ANKFY1: variants seen among roughly 807,000 people sequenced by gnomAD.
ANKFY1 encodes ankyrin repeat and FYVE domain-containing protein 1.
A neutral mutation model predicts 128.3 loss-of-function variants in ANKFY1; 47 were observed. The ratio of observed to expected loss-of-function variants is 0.37; its 90% CI spans 0.29 to 0.47. The LOEUF (loss-of-function observed/expected upper bound fraction) is 0.47. Among genes scored for constraint, ANKFY1 ranks in the 20% least tolerant of loss-of-function variants. ANKFY1 has a pLI of 1.00. For missense variants in ANKFY1, 1,222 were observed against 1,510.6 expected, an observed-to-expected ratio of 0.81 and a Z score of 3.17; for synonymous variants, 553 against 601.6, an observed-to-expected ratio of 0.92 and a Z score of 1.18.
intron 17 of ANKFY1, chr17:4,179,499 G>A: frequency 1.7e-6 from 1 of 600,400 alleles, no homozygotes; most frequent in Non-Finnish European, 2.9e-6. Flanking sequence ...GGGAATAGGA[G>A]GCAAAGAGAA....
rs200277437 is a variant in ANKFY1, at chr17:4,177,143, T to C, written c.2758A>G (p.Ile920Val). ...TCACTTACCAAATTGCGGACAATAA[T>C]TTCTGAGCCTGCTTGGACAGCGAGG... is the stretch of plus-strand genomic sequence containing the variant. The part of the protein sequence containing the change: ...LHLAVQAGSE[I>V]IVRNLLLAGA... The change falls in exon 19 of 25, where the codon ATT (isoleucine) becomes GTT (valine). Residue 920 changes from isoleucine (I) to valine (V), a missense_variant. Physicochemically the swap from Ile to Val is conservative, Grantham distance 29. Coordinates refer to ENST00000341657, the MANE Select transcript of ANKFY1 (RefSeq NM_001330063.2). 6.3e-7 allele frequency: 1 copy of C among 1,587,436 alleles called. No individual in the cohort carries two copies.
rs1229576898 is a variant in ANKFY1 at position 4,169,223 on chromosome 17, C to T, written c.3352G>A (p.Gly1118Arg). The change falls in exon 24 of 25, where the codon GGA (glycine) becomes AGA (arginine). Residue 1118 changes from glycine (G) to arginine (R), a missense_variant. Gly to Arg is a moderately radical substitution (Grantham distance 125, BLOSUM62 -2). Coordinates refer to ENST00000341657, the MANE Select transcript of ANKFY1 (RefSeq NM_001330063.2). The surrounding 1 kb of genome is among the most constrained non-coding windows in gnomAD (Gnocchi z 5.0). The part of the protein sequence containing the change: ...SYCYECTARF[G>R]VTTRKHHCRH... ...CAGTGGTGTTTGCGAGTGGTGACTC[C>T]GAACCTGGCAGTGCACTCATAGCAG... is the stretch of plus-strand genomic sequence containing the variant. 3.9e-6 allele frequency: 6 copies of T among 1,552,642 alleles called. No homozygotes were observed. The highest frequency in any genetic ancestry group is 3.5e-6 in the Non-Finnish European group (4 of 1,147,702).
At chr17:4,218,749 G>T (rs1468290795) in intron 3 of ANKFY1, among the ~76,000 whole-genome samples, 1 of 152,178 alleles carries the variant, frequency 6.6e-6, no homozygotes, top group East Asian at 1.9e-4. Flanking sequence ...GTGGCGGCAT[G>T]TGTCTGTAGT....
At chr17:4,194,630 T>C (rs908386274) in intron 10 of ANKFY1, 27 of 282,892 alleles carry the variant, frequency 9.5e-5, no homozygotes, top group African/African-American at 5.9e-4. Context: ...GTTCTCAAAG[T>C]GTAGTCTAAT....
intron 2 of ANKFY1, among the ~76,000 whole-genome samples, 183 bp from the exon 3 acceptor site, chr17:4,236,073 G>T (rs892116050): frequency 1.3e-5 from 2 of 152,156 alleles, no homozygotes; most frequent in African/African-American, 4.8e-5. Context: ...ATAGTATGTT[G>T]CTAGAAATGT....
chr17:4,257,615 C>G (rs568034567), intron 1 of ANKFY1, among the ~76,000 whole-genome samples: 1 of 152,198 alleles, frequency 6.6e-6, no homozygotes, highest in Admixed American at 6.5e-5. Context: ...AATACATTCC[C>G]CATTACTTCC....
rs2059171495 is a variant in ANKFY1 at position 4,164,158 on chromosome 17, A to G, written c.*3621T>C. ...TGGGATCACACAGGGATGTCGTAAC[A>G]GCCAACTCCACACATCTGCCAAAAA... On this transcript the variant is annotated 3_prime_UTR_variant, in exon 25 of 25. Transcript: ENST00000341657. 6.6e-6 allele frequency: 1 copy of G among 152,590 alleles called. No homozygotes were observed. The highest frequency in any genetic ancestry group is 1.5e-5 in the Non-Finnish European group (1 of 68,046). The allele number at this position is 152,590 out of a possible 1,614,324, so 9.5% of individuals were successfully genotyped here.
At position 4,183,465 on chromosome 17, in the gene ANKFY1, C is replaced by T. The variant is rs866728508; in HGVS notation, c.1885G>A (p.Ala629Thr). 6.2e-7 allele frequency: 1 copy of T among 1,613,756 alleles called. No individual in the cohort carries two copies. Among genetic ancestry groups the T allele is most frequent in the Non-Finnish European group, 8.5e-7 (1 of 1,180,034 alleles). Residue 629 changes from alanine to threonine, a missense_variant, in exon 14 of 25, where the codon GCC becomes ACC. Ala to Thr is a moderately conservative substitution (Grantham distance 58). Transcript: ENST00000341657. ...CTCTTGCTGTCCTGCCGCTGTATGG[C>T]CATGTGCAGTAGCGTCTGCCCATCC... ...MSDGQTLLHMAIQRQDSKSAL... is the reference protein window; with the variant it reads ...MSDGQTLLHMTIQRQDSKSAL...
chr17:4,211,278 TC>T (rs1237334081), intron 4 of ANKFY1, among the ~76,000 whole-genome samples: 1 of 151,182 alleles, frequency 6.6e-6, no homozygotes, highest in East Asian at 1.9e-4. Flanking sequence ...CTGCCTGTAG[TC>T]CCAGATACTG....
At chr17:4,189,524 T>A (rs1272750533) in intron 10 of ANKFY1, 45 bp from the exon 11 acceptor site, 1 of 1,496,002 alleles carries the variant, frequency 6.7e-7, no homozygotes, top group Non-Finnish European at 9.1e-7. Flanking sequence ...TGCATCAAAA[T>A]GCGGTCACGC....
In ANKFY1 at chr17:4,230,267, T is replaced by C. The variant is rs113199430; in HGVS notation, c.322+5505A>G. On this transcript the variant is annotated intron_variant, in intron 3 of 24. Transcript: ENST00000341657. ...AGTGAAAAGGAATAAAGGAGGATGTTTTCTGCTGTTTGGAATGGCTTGACA... is the reference window on the plus strand; with the variant it reads ...AGTGAAAAGGAATAAAGGAGGATGTCTTCTGCTGTTTGGAATGGCTTGACA... Among the ~76,000 whole-genome samples the C allele has an allele frequency of 1.1e-3, 163 of 152,320 alleles. 1 individual carries two copies. Among genetic ancestry groups the C allele is most frequent in the African/African-American group, 3.8e-3 (156 of 41,566 alleles).
intron 3 of ANKFY1, among the ~76,000 whole-genome samples, chr17:4,234,449 C>T (rs1271215722): frequency 2.0e-5 from 3 of 151,250 alleles, no homozygotes. Context: ...CAATCCTACA[C>T]AAAAAAATGT....
At chr17:4,225,470 T>A (rs891073830) in intron 3 of ANKFY1, among the ~76,000 whole-genome samples, 6 of 152,086 alleles carry the variant, frequency 3.9e-5, no homozygotes, top group Non-Finnish European at 8.8e-5. Context: ...AAATATAACC[T>A]CCTGGAAATA....
intron 1 of ANKFY1, among the ~76,000 whole-genome samples, chr17:4,248,798 C>T (rs905865209): frequency 2.0e-5 from 3 of 152,060 alleles, no homozygotes; most frequent in Non-Finnish European, 4.4e-5. Flanking sequence ...GAGAGCAAAC[C>T]TAGAAATTTA....
At chr17:4,201,206 T>C (rs932318614) in intron 7 of ANKFY1, among the ~76,000 whole-genome samples, 6 of 152,076 alleles carry the variant, frequency 3.9e-5, no homozygotes. Context: ...CATTTGAAAA[T>C]ATTTTTGTAG....
chr17:4,177,921 TTAGCA>T (rs1478991441), intron 18 of ANKFY1: 3 of 152,434 alleles, frequency 2.0e-5, no homozygotes, highest in Non-Finnish European at 4.4e-5. Flanking sequence ...CAGAGCCGTC[TTAGCA>T]TGAGTGTGGA....
In ANKFY1 at chr17:4,165,371, G is replaced by A. The variant is rs1156363793; in HGVS notation, c.*2408C>T. 1 of 152,152 alleles carries A rather than the reference G, an allele frequency of 6.6e-6. No individual in the cohort carries two copies. Among genetic ancestry groups the A allele is most frequent in the African/African-American group, 2.4e-5 (1 of 41,424 alleles). The allele number at this position is 152,152 out of a possible 1,614,324, so 9.4% of individuals were successfully genotyped here. The stretch of plus-strand genomic sequence containing the variant: ...GAATGAATTTAAGTTTTTGCTACTA[G>A]TACTTAAGCTACTGATGAAAACTTA... On this transcript the variant is annotated 3_prime_UTR_variant, in exon 25 of 25. Transcript: ENST00000341657.
intron 2 of ANKFY1, among the ~76,000 whole-genome samples, chr17:4,238,940 G>T (rs1475697737): frequency 6.6e-6 from 1 of 152,058 alleles, no homozygotes; most frequent in African/African-American, 2.4e-5. Context: ...TGTAATTTTA[G>T]TAGAGACAGA....
chr17:4,263,722 G>C (rs1053299202), intron 1 of ANKFY1: 9 of 1,482,126 alleles, frequency 6.1e-6, no homozygotes, highest in Non-Finnish European at 8.0e-6. Flanking sequence ...AGTCCCGCGG[G>C]GTCGGCATCG....
Sources: gnomAD v4.1 joint callset for allele counts (sites outside exome capture counted in the v4.1 genomes callset) on GRCh38, gnomAD v4.1.1 for gene constraint, Gnocchi (gnomAD v3.1) non-coding constraint, MANE v1.5 for transcripts, NCBI Gene and HGNC (gene_info 2026-07-23, HGNC 2026-07-21) for gene names.